ATP11B: variants seen among roughly 807,000 people sequenced by gnomAD.
ATP11B encodes the protein ATPase phospholipid transporting 11B (putative).
ATP11B carries 81 observed loss-of-function variants against 157.8 expected under a neutral mutation model. The observed-to-expected ratio is 0.51, with a 90% confidence interval of 0.43 to 0.62. The LOEUF is 0.62. Ranked by LOEUF, ATP11B falls within the 20% of genes least tolerant of loss-of-function variation. The pLI is 0.00. For synonymous variants in ATP11B, 451 were observed against 469.4 expected (o/e 0.96, Z 0.51); for missense variants, 1,165 against 1,402.2 (o/e 0.83, Z 2.70).
rs1468978723 is a variant in ATP11B at position 182,865,628 on chromosome 3, A to G, written c.1373A>G (p.His458Arg). Residue 458 changes from histidine to arginine, a missense_variant, in exon 13 of 30, where the codon CAT (histidine) becomes CGT (arginine). Physicochemically the swap from His to Arg is conservative, Grantham distance 29. Around this residue, in one of 4 missense-constraint regions of ATP11B, gnomAD observed 737 missense variants for 930.5 expected, o/e 0.79. Transcript: ENST00000323116. ...TTATCTTATCTTAGTAGTTTATCCCATCTTAACAACTTATCCCATCTTACA... is the reference window on the plus strand; with the variant it reads ...TTATCTTATCTTAGTAGTTTATCCCGTCTTAACAACTTATCCCATCTTACA... ...GNLSYLSSLSHLNNLSHLTTS... is the reference protein window; with the variant it reads ...GNLSYLSSLSRLNNLSHLTTS... The G allele has an allele frequency of 6.2e-7, 1 of 1,613,546 alleles. No individual in the cohort carries two copies.
At chr3:182,889,227 A>G (rs1017239213) in intron 24 of ATP11B, among the ~76,000 whole-genome samples, 183 bp from the exon 25 acceptor site, 1 of 152,204 alleles carries the variant, frequency 6.6e-6, no homozygotes, top group Non-Finnish European at 1.5e-5. Context: ...GCTATTAAAC[A>G]GATGTATGAT....
chr3:182,822,041 G>A (rs1166490292), intron 2 of ATP11B, among the ~76,000 whole-genome samples: 2 of 151,898 alleles, frequency 1.3e-5, no homozygotes, highest in Non-Finnish European at 2.9e-5. Flanking sequence ...TGGTTCTAAA[G>A]CAGAAAGTAG....
At chr3:182,818,116 T>C (rs1030580867) in intron 1 of ATP11B, among the ~76,000 whole-genome samples, 3 of 152,218 alleles carry the variant, frequency 2.0e-5, no homozygotes, top group African/African-American at 7.2e-5. Flanking sequence ...GAGAGAAAGA[T>C]GGCAGAAAGC....
intron 27 of ATP11B, among the ~76,000 whole-genome samples, chr3:182,898,174 C>T (rs1723694490): frequency 6.6e-6 from 1 of 152,118 alleles, no homozygotes; most frequent in Admixed American, 6.5e-5. Flanking sequence ...CTTTATAACA[C>T]TTACTACTAT....
intron 10 of ATP11B, among the ~76,000 whole-genome samples, chr3:182,854,416 G>C (rs2108528455): frequency 6.6e-6 from 1 of 152,248 alleles, no homozygotes; most frequent in East Asian, 1.9e-4. Context: ...GTTGTGGTGA[G>C]ATGAGATCGT....
chr3:182,796,692 G>A (rs548337941), intron 1 of ATP11B, among the ~76,000 whole-genome samples: 1 of 152,300 alleles, frequency 6.6e-6, no homozygotes, highest in South Asian at 2.1e-4. Context: ...GGATACAAAT[G>A]TTGGTCAGGG....
Position 182,918,121 on chromosome 3 carries a change from T to C in ATP11B, c.*17T>C, listed in dbSNP as rs768758667. 6.2e-7 allele frequency: 1 copy of C among 1,611,870 alleles called. No individual in the cohort carries two copies. The highest frequency in any genetic ancestry group is 8.5e-7 in the Non-Finnish European group (1 of 1,178,792). On this transcript the variant is annotated 3_prime_UTR_variant, in exon 30 of 30. Transcript: ENST00000323116. ...ACTTGTTAAAGGGGCAGTAGTACTT[T>C]GTGGGAGCCAGTTCACCTCCTTTCC...
intron 2 of ATP11B, among the ~76,000 whole-genome samples, chr3:182,824,509 A>G (rs916434134): frequency 6.6e-6 from 1 of 152,180 alleles, no homozygotes; most frequent in African/African-American, 2.4e-5. Context: ...AGTATTTGAC[A>G]TAGTTTTTAA....
At chr3:182,848,693 A>G (rs1281312425) in intron 10 of ATP11B, 136 bp downstream of exon 10, 1 of 328,908 alleles carries the variant, frequency 3.0e-6, no homozygotes, top group Non-Finnish European at 5.1e-6. Context: ...AGTTTCTTAT[A>G]TTTTTACATA....
intron 20 of ATP11B, among the ~76,000 whole-genome samples, chr3:182,880,434 T>C (rs1029847800): frequency 3.3e-5 from 5 of 152,142 alleles, no homozygotes; most frequent in Non-Finnish European, 5.9e-5. Flanking sequence ...CAAAGAAATA[T>C]TTCTTTTGAG....
At chr3:182,849,133 C>T (rs887967576) in intron 10 of ATP11B, among the ~76,000 whole-genome samples, 4 of 152,294 alleles carry the variant, frequency 2.6e-5, no homozygotes, top group African/African-American at 7.2e-5. Flanking sequence ...GAGATGTAAG[C>T]TACAGAATGG....
chr3:182,829,812 T>A, intron 4 of ATP11B, 60 bp downstream of exon 4: 1 of 1,446,660 alleles, frequency 6.9e-7, no homozygotes, highest in Non-Finnish European at 9.4e-7. Context: ...GCTAAATATT[T>A]CCACTCCAAA....
chr3:182,838,220 A>G (rs778655384), intron 7 of ATP11B, among the ~76,000 whole-genome samples: 11 of 152,080 alleles, frequency 7.2e-5, no homozygotes, highest in African/African-American at 1.2e-4. Flanking sequence ...TTGGAATCAT[A>G]TGCTTTAAAA....
At chr3:182,813,177 A>G (rs891212610) in intron 1 of ATP11B, among the ~76,000 whole-genome samples, 1 of 152,202 alleles carries the variant, frequency 6.6e-6, no homozygotes, top group South Asian at 2.1e-4. Flanking sequence ...TGCTTTGGAC[A>G]TGGGTGTAGA....
chr3:182,828,356 A>G (rs940301981), intron 3 of ATP11B, 147 bp downstream of exon 3: 3 of 429,504 alleles, frequency 7.0e-6, no homozygotes, highest in African/African-American at 4.1e-5. Flanking sequence ...AGTGAATACA[A>G]TGATCTGTCA....
chr3:182,892,412 C>A (rs1378406667), intron 25 of ATP11B, among the ~76,000 whole-genome samples: 2 of 152,048 alleles, frequency 1.3e-5, no homozygotes, highest in African/African-American at 4.8e-5. Context: ...AATTGAGGGC[C>A]TAGAGCAGAA....
At chr3:182,908,606 A>C (rs1297644453) in intron 28 of ATP11B, 1 of 152,156 alleles carries the variant, frequency 6.6e-6, no homozygotes, top group Non-Finnish European at 1.5e-5. Context: ...TTTTACTTAG[A>C]GGGAAGGAGA....
intron 10 of ATP11B, among the ~76,000 whole-genome samples, chr3:182,857,286 C>T (rs1331862326): frequency 6.6e-6 from 1 of 152,158 alleles, no homozygotes; most frequent in Admixed American, 6.5e-5. Flanking sequence ...GCTGGGAATA[C>T]AGGCGCCCGT....
chr3:182,819,210 A>G (rs1717165825), intron 1 of ATP11B, among the ~76,000 whole-genome samples: 1 of 151,180 alleles, frequency 6.6e-6, no homozygotes, highest in Non-Finnish European at 1.5e-5. Flanking sequence ...CTGGGACTAC[A>G]GGCGCCCGCC....
Sources: allele counts gnomAD v4.1 joint callset (sites outside exome capture counted in the v4.1 genomes callset), GRCh38; gene constraint gnomAD v4.1.1; regional missense constraint gnomAD v4.1.1; transcripts MANE v1.5; gene names NCBI Gene and HGNC (gene_info 2026-07-23, HGNC 2026-07-21).